Variants in SYT9 observed in about 807,000 individuals in gnomAD.
The protein encoded by SYT9 is synaptotagmin 9, also known as synaptotagmin-9.
A neutral mutation model predicts 48.4 loss-of-function variants in SYT9; 22 were observed. The ratio of observed to expected loss-of-function variants is 0.45; its 90% confidence interval spans 0.32 to 0.65. SYT9 has a LOEUF of 0.65. SYT9 is among the 30% of genes least tolerant of loss of function. The probability of loss-of-function intolerance (pLI) is 0.03; values close to 1 mark genes in which losing one functional copy is unlikely to be tolerated. For synonymous variants in SYT9, 265 were observed against 245.0 expected (o/e 1.08, Z -0.76); for missense variants, 577 against 622.0 (o/e 0.93, Z 0.77).
intron 6 of SYT9, chr11:7,454,441 G>A (rs2134152100): frequency 2.6e-6 from 1 of 381,490 alleles, no homozygotes; most frequent in African/African-American, 2.2e-5. Flanking sequence ...CCCAAGCACG[G>A]ACACAGTCCC....
intron 1 of SYT9, among the ~76,000 whole-genome samples, chr11:7,265,114 TAG>T (rs1240472756): frequency 6.6e-6 from 1 of 152,048 alleles, no homozygotes; most frequent in Non-Finnish European, 1.5e-5. Context: ...TGATATGAAA[TAG>T]AGAGAGATCC....
chr11:7,347,235 TA>T (rs1849815550), intron 3 of SYT9, among the ~76,000 whole-genome samples: 1 of 91,406 alleles, frequency 1.1e-5, no homozygotes, highest in African/African-American at 3.9e-5. Context: ...TTCATCAAAA[TA>T]TTTTTTTTTT....
At chr11:7,387,402 T>C (rs986157951) in intron 3 of SYT9, among the ~76,000 whole-genome samples, 11 of 152,184 alleles carry the variant, frequency 7.2e-5, no homozygotes, top group Non-Finnish European at 1.5e-5. Flanking sequence ...TTTATTTTTG[T>C]TTCCTGAGCT....
rs879447398 is a variant in SYT9, at chr11:7,468,308, CAAG to C, written c.*1512_*1514del. 24 of 398,514 alleles carry C rather than the reference CAAG, an allele frequency of 6.0e-5. No individual in the cohort carries two copies. Among genetic ancestry groups the C allele is most frequent in the Non-Finnish European group, 9.7e-5 (22 of 226,050 alleles). The allele number at this position is 398,514 out of a possible 1,614,324, so 24.7% of individuals were successfully genotyped here. On this transcript the variant is annotated 3_prime_UTR_variant, in exon 7 of 7. Transcript: ENST00000318881. ...ATTGCCCCAGCTGCCTAGTACTATACAAGAAGCTCTACTTTGATGGCAGATCTA... is the reference window on the plus strand; with the variant it reads ...ATTGCCCCAGCTGCCTAGTACTATACAAGCTCTACTTTGATGGCAGATCTA...
intron 1 of SYT9, among the ~76,000 whole-genome samples, chr11:7,276,125 C>T (rs925371021): frequency 6.6e-6 from 1 of 152,082 alleles, no homozygotes; most frequent in Non-Finnish European, 1.5e-5. Context: ...GACACCAGTC[C>T]CACCCTCAGT....
rs1209101322 is a variant in SYT9 at position 7,252,316 on chromosome 11, C to G, written c.130C>G (p.Arg44Gly). Residue 44 changes from arginine (R) to glycine (G), a missense_variant, in exon 1 of 7, where the codon CGG becomes GGG. By Grantham distance (125) the Arg-to-Gly change is moderately radical. Transcript: ENST00000318881. The surrounding 1 kb of genome is among the most constrained non-coding windows in gnomAD (Gnocchi z 6.3). ...IYHLRDRARP[R>G]LRDPDISVSL... Reference sequence around the variant, plus strand: ...CCACCTGCGGGACCGTGCCAGACCCCGGCTCCGCGACCCAGGTGAGTGCCG... The same window carrying G: ...CCACCTGCGGGACCGTGCCAGACCCGGGCTCCGCGACCCAGGTGAGTGCCG... The G allele has an allele frequency of 4.0e-6, 6 of 1,495,796 alleles. No individual in the cohort carries two copies. Among genetic ancestry groups the G allele is most frequent in the Non-Finnish European group, 4.5e-6 (5 of 1,121,486 alleles). The allele number at this position is 1,495,796 out of a possible 1,614,324, so 92.7% of individuals were successfully genotyped here.
chr11:7,271,248 A>G (rs1249507727), intron 1 of SYT9, among the ~76,000 whole-genome samples: 1 of 152,130 alleles, frequency 6.6e-6, no homozygotes, highest in Non-Finnish European at 1.5e-5. Context: ...TTTCATCCTG[A>G]TAGGTGCCTA....
At chr11:7,459,707 G>T (rs933752740) in intron 6 of SYT9, among the ~76,000 whole-genome samples, 1 of 152,134 alleles carries the variant, frequency 6.6e-6, no homozygotes, top group African/African-American at 2.4e-5. Context: ...CTGGATCAGG[G>T]TAGGCACCAA....
rs7119700 is a variant in SYT9, at chr11:7,433,000, T to C, written c.1467+12365T>C. Among the ~76,000 whole-genome samples the C allele has an allele frequency of 7.5e-4, 114 of 152,290 alleles. 1 individual carries two copies. The highest frequency in any genetic ancestry group is 2.5e-3 in the African/African-American group (105 of 41,558). Reference sequence around the variant, plus strand: ...CCTGCCCAAATCTCATGTTGAATTGTGAACCCTAATGTTGGAGGCAGGACC... The same window carrying C: ...CCTGCCCAAATCTCATGTTGAATTGCGAACCCTAATGTTGGAGGCAGGACC... On this transcript the variant is annotated intron_variant, in intron 6 of 6. Coordinates refer to ENST00000318881, the MANE Select transcript of SYT9 (RefSeq NM_175733.4).
At chr11:7,300,383 G>A (rs1422842023) in intron 1 of SYT9, among the ~76,000 whole-genome samples, 1 of 152,208 alleles carries the variant, frequency 6.6e-6, no homozygotes, top group Non-Finnish European at 1.5e-5. Flanking sequence ...CTTCAAGGTG[G>A]CATGGGCCAT....
intron 3 of SYT9, among the ~76,000 whole-genome samples, chr11:7,351,561 C>G (rs548197751): frequency 9.8e-5 from 15 of 152,294 alleles, no homozygotes; most frequent in Admixed American, 5.9e-4. Context: ...AAGAAAGCAT[C>G]TCCTTTTGTA....
chr11:7,466,028 A>G (rs1848327978), intron 6 of SYT9, among the ~76,000 whole-genome samples: 1 of 152,182 alleles, frequency 6.6e-6, no homozygotes, highest in African/African-American at 2.4e-5. Context: ...CAACTAAATC[A>G]TATCACCAGC....
At chr11:7,404,732 T>C (rs1257050607) in intron 3 of SYT9, among the ~76,000 whole-genome samples, 1 of 152,170 alleles carries the variant, frequency 6.6e-6, no homozygotes, top group Non-Finnish European at 1.5e-5. Flanking sequence ...GACAAGGGCA[T>C]GAATGCTTTG....
At chr11:7,280,392 A>G (rs1450083335) in intron 1 of SYT9, among the ~76,000 whole-genome samples, 1 of 152,258 alleles carries the variant, frequency 6.6e-6, no homozygotes, top group East Asian at 1.9e-4. Context: ...TCACTTATTC[A>G]TCAATAATCT....
chr11:7,432,451 G>T (rs1847593111), intron 6 of SYT9, among the ~76,000 whole-genome samples: 1 of 149,566 alleles, frequency 6.7e-6, no homozygotes, highest in Non-Finnish European at 1.5e-5. Flanking sequence ...GGAGGCTGAG[G>T]CAGGAGAATA....
At chr11:7,302,789 A>T (rs1848946945) in intron 1 of SYT9, among the ~76,000 whole-genome samples, 1 of 152,164 alleles carries the variant, frequency 6.6e-6, no homozygotes, top group Admixed American at 6.5e-5. Flanking sequence ...CAGGCTGTTT[A>T]TTGTTTCTAA....
At chr11:7,458,937 T>C (rs1345365165) in intron 6 of SYT9, among the ~76,000 whole-genome samples, 1 of 152,248 alleles carries the variant, frequency 6.6e-6, no homozygotes, top group Non-Finnish European at 1.5e-5. Context: ...GAGAATAGAC[T>C]AGATAATGAC....
chr11:7,382,423 AT>A lies in SYT9; in HGVS notation c.1045-33609del, dbSNP rs909828036. 6.4e-3 allele frequency among the ~76,000 whole-genome samples: 966 copies of A among 151,222 alleles called. 9 individuals carry two copies. The highest frequency in any genetic ancestry group is 0.021 in the African/African-American group (853 of 41,254). The stretch of plus-strand genomic sequence containing the variant: ...TTTTTAGCTTTAGCCACTGAGAGGA[AT>A]TTTTTTTTTCCAAACTGAGATTCAT... On this transcript the variant is annotated intron_variant, in intron 3 of 6. Transcript: ENST00000318881.
chr11:7,260,824 AG>A (rs1288859771), intron 1 of SYT9, among the ~76,000 whole-genome samples: 2 of 152,230 alleles, frequency 1.3e-5, no homozygotes, highest in Non-Finnish European at 2.9e-5. Context: ...GCCTTTAGCA[AG>A]TTTAGTCATC....
Sources: gnomAD v4.1 joint callset for allele counts (sites outside exome capture counted in the v4.1 genomes callset) on GRCh38, gnomAD v4.1.1 for gene constraint, Gnocchi (gnomAD v3.1) non-coding constraint, MANE v1.5 for transcripts, NCBI Gene and HGNC (gene_info 2026-07-23, HGNC 2026-07-21) for gene names.